NSL1: variants seen among roughly 807,000 people sequenced by gnomAD.
NSL1 encodes NSL1 component of MIS12 kinetochore complex.
NSL1 carries 11 observed loss-of-function variants against 25.4 expected under a neutral mutation model. The observed-to-expected ratio is 0.43, with a 90% CI of 0.27 to 0.72. The LOEUF (loss-of-function observed/expected upper bound fraction) is 0.72. NSL1 is among the 30% of genes least tolerant of loss of function. The pLI, the probability that NSL1 is intolerant of heterozygous loss-of-function variation, is 0.19. For missense variants in NSL1, 330 were observed against 342.7 expected (o/e 0.96, Z 0.29); for synonymous variants, 118 against 120.6 (o/e 0.98, Z 0.14).
chr1:212,782,028 G>C, intron 4 of NSL1: 2 of 553,662 alleles, frequency 3.6e-6, no homozygotes, highest in Non-Finnish European at 7.1e-6. Flanking sequence ...ATGAGAGAAT[G>C]CTTTAATAGT....
At chr1:212,769,998 GGAAAAA>G (rs1444791666) in intron 4 of NSL1, among the ~76,000 whole-genome samples, 1 of 151,982 alleles carries the variant, frequency 6.6e-6, no homozygotes, top group Admixed American at 6.6e-5. Context: ...GTGAAAAAAT[GGAAAAA>G]GATACTCCAC....
intron 4 of NSL1, among the ~76,000 whole-genome samples, chr1:212,758,222 T>C (rs1040696084): frequency 6.6e-6 from 1 of 152,138 alleles, no homozygotes; most frequent in African/African-American, 2.4e-5. Flanking sequence ...TGTGGTAAAC[T>C]TCAGAGCATT....
At position 212,732,642 on chromosome 1, in the gene NSL1, T is replaced by TTA. The variant is rs1259610838; in HGVS notation, c.*5764_*5765dup. 3.0e-6 allele frequency: 3 copies of TTA among 985,330 alleles called. No homozygotes were observed. The highest frequency in any genetic ancestry group is 5.2e-4 in the Middle Eastern group (1 of 1,914). The allele number at this position is 985,330 out of a possible 1,614,324, so 61.0% of individuals were successfully genotyped here. A position where few individuals can be genotyped will look rare whatever the true frequency, so the allele number is the denominator to read the frequency against. On this transcript the variant is annotated 3_prime_UTR_variant, in exon 6 of 6. Coordinates refer to ENST00000366977, the MANE Select transcript of NSL1 (RefSeq NM_015471.4). ...TCTGCCTAGTCTCCAAATCTGCTGA[T>TTA]TAGTTAGTAGCCTGTAGACTCGAGT...
rs1054436963 is a variant in NSL1 at position 212,732,179 on chromosome 1, ATT to A, written c.*6227_*6228del. ...CTCTACTGTAGTGAATAACTGCCTTATTTTTTGTTTCTTTGAACATCTTAATC... is the reference window on the plus strand; with the variant it reads ...CTCTACTGTAGTGAATAACTGCCTTATTTTGTTTCTTTGAACATCTTAATC... On this transcript the variant is annotated 3_prime_UTR_variant, in exon 6 of 6. Coordinates refer to ENST00000366977, the MANE Select transcript of NSL1 (RefSeq NM_015471.4). 108 of 984,244 alleles carry A rather than the reference ATT, an allele frequency of 1.1e-4. No individual in the cohort carries two copies. The African/African-American group carries it at 1.8e-3, about 16-fold the overall frequency. The allele number at this position is 984,244 out of a possible 1,614,324, so 61.0% of individuals were successfully genotyped here.
chr1:212,775,537 G>A (rs1423008036), intron 4 of NSL1, among the ~76,000 whole-genome samples: 2 of 151,824 alleles, frequency 1.3e-5, no homozygotes, highest in African/African-American at 4.8e-5. Context: ...CAAGGCAGGA[G>A]GATCACTTGA....
Position 212,735,749 on chromosome 1 carries a change from C to T in NSL1, c.*2659G>A, listed in dbSNP as rs995144559. Reference sequence around the variant, plus strand: ...ACCAGAGAGCTTGCACTCTGTCCCTCTCTCCACATGCATGCACTGAGGAAA... The same window carrying T: ...ACCAGAGAGCTTGCACTCTGTCCCTTTCTCCACATGCATGCACTGAGGAAA... On this transcript the variant is annotated 3_prime_UTR_variant, in exon 6 of 6. Transcript: ENST00000366977. Among the ~76,000 whole-genome samples the T allele has an allele frequency of 2.0e-5, 3 of 152,190 alleles. No homozygotes were observed. Among genetic ancestry groups the T allele is most frequent in the Non-Finnish European group, 4.4e-5 (3 of 68,042 alleles).
chr1:212,791,423 G>A (rs1661255399), intron 1 of NSL1, 107 bp downstream of exon 1: 1 of 997,228 alleles, frequency 1.0e-6, no homozygotes, highest in Non-Finnish European at 1.5e-6. Context: ...GTAGCCTGGG[G>A]CACCGTTAAT....
chr1:212,732,198 A>T lies in NSL1; in HGVS notation c.*6210T>A, dbSNP rs932671777. On this transcript the variant is annotated 3_prime_UTR_variant, in exon 6 of 6. Coordinates refer to ENST00000366977, the MANE Select transcript of NSL1 (RefSeq NM_015471.4). Reference sequence around the variant, plus strand: ...TGCCTTATTTTTTGTTTCTTTGAACATCTTAATCATATTACAAAACATCTC... The same window carrying T: ...TGCCTTATTTTTTGTTTCTTTGAACTTCTTAATCATATTACAAAACATCTC... 7.1e-6 allele frequency: 7 copies of T among 983,748 alleles called. No individual in the cohort carries two copies. The highest frequency in any genetic ancestry group is 8.4e-6 in the Non-Finnish European group (7 of 828,494). The allele number at this position is 983,748 out of a possible 1,614,324, so 60.9% of individuals were successfully genotyped here.
intron 4 of NSL1, among the ~76,000 whole-genome samples, chr1:212,765,788 G>A (rs983895241): frequency 6.6e-6 from 1 of 151,438 alleles, no homozygotes; most frequent in African/African-American, 2.4e-5. Flanking sequence ...CTGGGAAAGA[G>A]AGTCAGGCTC....
chr1:212,742,380 G>C (rs142571777), intron 4 of NSL1, among the ~76,000 whole-genome samples: 1 of 152,090 alleles, frequency 6.6e-6, no homozygotes, highest in Admixed American at 6.5e-5. Flanking sequence ...AGATTTATTT[G>C]AATATAAGAG....
intron 1 of NSL1, among the ~76,000 whole-genome samples, chr1:212,790,474 C>T (rs1161081546): frequency 6.6e-6 from 1 of 152,070 alleles, no homozygotes; most frequent in Non-Finnish European, 1.5e-5. Flanking sequence ...TTGCAAAGCC[C>T]TGAAGGTGGT....
At chr1:212,748,704 A>G (rs1368977435) in intron 4 of NSL1, among the ~76,000 whole-genome samples, 3 of 152,344 alleles carry the variant, frequency 2.0e-5, no homozygotes, top group African/African-American at 7.2e-5. Context: ...AAATGGTATA[A>G]TGACTAAAAA....
intron 4 of NSL1, chr1:212,766,231 A>G: frequency 6.1e-6 from 4 of 660,984 alleles, no homozygotes; most frequent in Admixed American, 4.4e-5. Context: ...CACAGCCAAC[A>G]TCATGTTGAA....
At chr1:212,762,252 C>T (rs956670299) in intron 4 of NSL1, among the ~76,000 whole-genome samples, 2 of 147,584 alleles carry the variant, frequency 1.4e-5, no homozygotes, top group Non-Finnish European at 3.0e-5. Context: ...GCGCCAAGAT[C>T]GCTCCACTGC....
intron 2 of NSL1, among the ~76,000 whole-genome samples, chr1:212,785,680 T>G (rs1660911578): frequency 6.6e-6 from 1 of 152,116 alleles, no homozygotes; most frequent in Non-Finnish European, 1.5e-5. Flanking sequence ...ATGTAGGTGA[T>G]CCATCTAACT....
Position 212,733,433 on chromosome 1 carries a change from C to CAAAAAA in NSL1, c.*4969_*4974dup, listed in dbSNP as rs140675222. On this transcript the variant is annotated 3_prime_UTR_variant, in exon 6 of 6. Coordinates refer to ENST00000366977, the MANE Select transcript of NSL1 (RefSeq NM_015471.4). ...GGCAACACAGCAAGACCTTGTTTCA[C>CAAAAAA]AAAAAAAAAAAAAAAAAAATCCCAT... Among the ~76,000 whole-genome samples, 2 of 135,900 alleles carry CAAAAAA rather than the reference C, an allele frequency of 1.5e-5. No individual in the cohort carries two copies. Among genetic ancestry groups the CAAAAAA allele is most frequent in the African/African-American group, 5.4e-5 (2 of 37,216 alleles). 89.2% of individuals were successfully genotyped at this position (135,900 alleles called of 152,430 possible).
At chr1:212,755,478 TAAGC>T (rs987596006) in intron 4 of NSL1, among the ~76,000 whole-genome samples, 1 of 151,576 alleles carries the variant, frequency 6.6e-6, no homozygotes, top group African/African-American at 2.4e-5. Context: ...TCTGTGTATA[TAAGC>T]AAGAAAAAAA....
Position 212,729,650 on chromosome 1 carries a change from AAC to A in NSL1, c.*8756_*8757del, listed in dbSNP as rs1439832154. 3.0e-5 allele frequency: 30 copies of A among 985,314 alleles called. No individual in the cohort carries two copies. The highest frequency in any genetic ancestry group is 3.6e-5 in the Non-Finnish European group (30 of 829,946). The allele number at this position is 985,314 out of a possible 1,614,324, so 61.0% of individuals were successfully genotyped here. On this transcript the variant is annotated 3_prime_UTR_variant, in exon 6 of 6. Transcript: ENST00000366977. Reference sequence around the variant, plus strand: ...AATATGACAAGTCAGAGAGAATTCGAACACTTATTTTAACCTTTTCACCAAAT... The same window carrying A: ...AATATGACAAGTCAGAGAGAATTCGAACTTATTTTAACCTTTTCACCAAAT...
At position 212,732,027 on chromosome 1, in the gene NSL1, A is replaced by G. The variant is rs1251528634; in HGVS notation, c.*6381T>C. On this transcript the variant is annotated 3_prime_UTR_variant, in exon 6 of 6. Transcript: ENST00000366977. The stretch of plus-strand genomic sequence containing the variant: ...TTTAGCCTCCCAGTGTAACTGTCCC[A>G]ATTTTTTTTTTTTTTTTTTACTGAA... 4 of 918,622 alleles carry G rather than the reference A, an allele frequency of 4.4e-6. No individual in the cohort carries two copies. Among genetic ancestry groups the G allele is most frequent in the African/African-American group, 2.4e-5 (1 of 42,482 alleles). 56.9% of individuals were successfully genotyped at this position (918,622 alleles called of 1,614,324 possible).
Sources: allele counts gnomAD v4.1 joint callset (sites outside exome capture counted in the v4.1 genomes callset), GRCh38; gene constraint gnomAD v4.1.1; transcripts MANE v1.5; gene names NCBI Gene and HGNC (gene_info 2026-07-23, HGNC 2026-07-21).